Variants in SIMC1 observed in about 807,000 individuals in gnomAD.
SIMC1 encodes the protein SUMO-interacting motif-containing protein 1.
A neutral mutation model predicts 82.3 loss-of-function variants in SIMC1; 55 were observed. The observed-to-expected ratio is 0.67, with a 90% CI of 0.54 to 0.84. SIMC1 has a LOEUF of 0.84. Ranked by LOEUF, SIMC1 falls within the 40% of genes least tolerant of loss-of-function variation. The probability of loss-of-function intolerance (pLI) is 0.00; values close to 1 mark genes in which losing one functional copy is unlikely to be tolerated. For missense variants in SIMC1, 915 were observed against 1,107.2 expected, an observed-to-expected ratio of 0.83 and a Z score of 2.46; for synonymous variants, 353 against 426.3, an observed-to-expected ratio of 0.83 and a Z score of 2.12.
intron 1 of SIMC1, among the ~76,000 whole-genome samples, chr5:176,259,841 A>G (rs1254248337): frequency 6.6e-6 from 1 of 151,650 alleles, no homozygotes; most frequent in Non-Finnish European, 1.5e-5. Context: ...GCCCCTATCT[A>G]TTTCTACTCT....
intron 4 of SIMC1, among the ~76,000 whole-genome samples, chr5:176,306,399 C>T (rs1165908271): frequency 3.2e-5 from 3 of 94,000 alleles, no homozygotes; most frequent in East Asian, 9.9e-4. Flanking sequence ...ACCACCACCC[C>T]GTCTGGGAGG....
intron 1 of SIMC1, among the ~76,000 whole-genome samples, chr5:176,260,025 T>C (rs1761964071): frequency 6.7e-6 from 1 of 149,144 alleles, no homozygotes; most frequent in South Asian, 2.1e-4. Context: ...ATAATTAGTA[T>C]ATATATTTTA....
At chr5:176,284,059 C>G (rs1332005891) in intron 1 of SIMC1, among the ~76,000 whole-genome samples, 1 of 152,174 alleles carries the variant, frequency 6.6e-6, no homozygotes, top group African/African-American at 2.4e-5. Flanking sequence ...GACTTAGACT[C>G]CCACACAATA....
At chr5:176,291,929 A>C (rs1421294285) in intron 2 of SIMC1, among the ~76,000 whole-genome samples, 1 of 152,120 alleles carries the variant, frequency 6.6e-6, no homozygotes, top group African/African-American at 2.4e-5. Flanking sequence ...GGTGGCATGC[A>C]CCTGTAATCC....
Position 176,322,305 on chromosome 5 carries a change from C to T in SIMC1, c.1922C>T (p.Thr641Ile). 6.4e-7 allele frequency: 1 copy of T among 1,573,726 alleles called. No homozygotes were observed. Among genetic ancestry groups the T allele is most frequent in the Non-Finnish European group, 8.6e-7 (1 of 1,159,088 alleles). ...ATCAAGTGGCTGGTCAAAGCAGTAA[C>T]TGAAGATGGATTGACTCAGCCCCCA... ...DVIKWLVKAVTEDGLTQPPNG... is the reference protein window; with the variant it reads ...DVIKWLVKAVIEDGLTQPPNG... The change falls in exon 6 of 10, where the codon ACT becomes ATT. Residue 641 changes from threonine to isoleucine, a missense_variant. Around this residue, in one of 2 missense-constraint regions of SIMC1, gnomAD observed 902 missense variants for 1,040.3 expected, o/e 0.87. Transcript: ENST00000429602.
chr5:176,343,799 TTTTG>T (rs1281134521), intron 9 of SIMC1, among the ~76,000 whole-genome samples: 6 of 152,034 alleles, frequency 3.9e-5, no homozygotes, highest in Non-Finnish European at 7.4e-5. Context: ...TTTTGTTTTG[TTTTG>T]TTTTTTTTGA....
chr5:176,302,428 C>T (rs190895186), intron 4 of SIMC1, among the ~76,000 whole-genome samples: 12 of 152,174 alleles, frequency 7.9e-5, no homozygotes, highest in African/African-American at 2.9e-4. Context: ...ATAATAAGGG[C>T]CATATGTGAA....
rs555965759 is a variant in SIMC1, at chr5:176,281,326, A to G, written c.130-8328A>G. 2.1e-3 allele frequency among the ~76,000 whole-genome samples: 321 copies of G among 152,228 alleles called. 1 individual carries two copies. Among genetic ancestry groups the G allele is most frequent in the Non-Finnish European group, 3.7e-3 (249 of 68,016 alleles). ...TCTGTATTGGTTATTCTAGTTATAC[A>G]TTCGTCTAAATTTTTTTCAAAGTTT... On this transcript the variant is annotated intron_variant, in intron 1 of 9. Transcript: ENST00000429602.
At chr5:176,305,557 G>C (rs1411011880) in intron 4 of SIMC1, among the ~76,000 whole-genome samples, 1 of 143,648 alleles carries the variant, frequency 7.0e-6, no homozygotes, top group Non-Finnish European at 1.5e-5. Context: ...CGCCTGGCCA[G>C]CCGCCCCGTC....
At chr5:176,245,011 G>A (rs1421034526) in intron 1 of SIMC1, among the ~76,000 whole-genome samples, 4 of 151,956 alleles carry the variant, frequency 2.6e-5, no homozygotes, top group South Asian at 2.1e-4. Flanking sequence ...ATGAGCCACC[G>A]CACCCGGCCA....
chr5:176,305,186 A>G (rs1227588754), intron 4 of SIMC1, among the ~76,000 whole-genome samples: 2 of 17,718 alleles, frequency 1.1e-4, no homozygotes, highest in African/African-American at 4.4e-4. Context: ...TCCGGGAGGG[A>G]GGTGGGGGGT....
At chr5:176,248,213 A>G (rs1761515670) in intron 1 of SIMC1, among the ~76,000 whole-genome samples, 1 of 152,070 alleles carries the variant, frequency 6.6e-6, no homozygotes, top group African/African-American at 2.4e-5. Context: ...GGCCATTTTC[A>G]TGATATTGAT....
intron 7 of SIMC1, among the ~76,000 whole-genome samples, chr5:176,333,337 G>A (rs1765748277): frequency 6.6e-6 from 1 of 151,996 alleles, no homozygotes. Flanking sequence ...GATATAAATG[G>A]AATCATTTGG....
At chr5:176,305,810 C>G (rs1341698381) in intron 4 of SIMC1, among the ~76,000 whole-genome samples, 655 of 12,812 alleles carry the variant, frequency 0.051, 152 homozygotes, top group Admixed American at 0.091. Flanking sequence ...GAGGTGGGGG[C>G]GTCAGCCCCC....
chr5:176,279,894 G>C (rs539904767), intron 1 of SIMC1, among the ~76,000 whole-genome samples: 6 of 152,148 alleles, frequency 3.9e-5, no homozygotes, highest in South Asian at 2.1e-4. Context: ...TTACTTCCAA[G>C]TATGTGGTCA....
intron 1 of SIMC1, among the ~76,000 whole-genome samples, chr5:176,255,449 G>T (rs1581221051): frequency 6.6e-6 from 1 of 151,774 alleles, no homozygotes; most frequent in East Asian, 1.9e-4. Context: ...TGGGTGTAGT[G>T]GCGCACATTC....
intron 1 of SIMC1, among the ~76,000 whole-genome samples, chr5:176,246,112 C>T (rs1761431501): frequency 6.6e-6 from 1 of 150,782 alleles, no homozygotes. Flanking sequence ...CGGATTCAAG[C>T]AATTCTCCTG....
chr5:176,292,325 T>G (rs1171404852), intron 2 of SIMC1, among the ~76,000 whole-genome samples: 2 of 152,186 alleles, frequency 1.3e-5, no homozygotes, highest in Non-Finnish European at 2.9e-5. Flanking sequence ...TTTTTAGTTA[T>G]GTACATCCCA....
chr5:176,271,775 A>G (rs180757676), intron 1 of SIMC1, among the ~76,000 whole-genome samples: 2,711 of 150,862 alleles, frequency 0.018, 83 homozygotes, highest in African/African-American at 0.062. Context: ...ACGGATACCC[A>G]TTTACCCTGA....
Sources: allele counts gnomAD v4.1 joint callset (sites outside exome capture counted in the v4.1 genomes callset), GRCh38; gene constraint gnomAD v4.1.1; regional missense constraint gnomAD v4.1.1; transcripts MANE v1.5; gene names NCBI Gene and HGNC (gene_info 2026-07-23, HGNC 2026-07-21).